CYFIP2: variants seen among roughly 807,000 people sequenced by gnomAD.
The protein encoded by CYFIP2 is cytoplasmic FMR1-interacting protein 2.
A neutral mutation model predicts 158.7 loss-of-function variants in CYFIP2; 29 were observed. The observed-to-expected ratio is 0.18, with a 90% CI of 0.14 to 0.25. The LOEUF is 0.25. Among genes scored for constraint, CYFIP2 ranks in the 10% least tolerant of loss-of-function variants. The pLI is 1.00. For synonymous variants in CYFIP2, 585 were observed against 617.6 expected (o/e 0.95, Z 0.78); for missense variants, 852 against 1,639.5 (o/e 0.52, Z 8.29).
intron 13 of CYFIP2, among the ~76,000 whole-genome samples, chr5:157,317,639 A>T (rs2113086314): frequency 6.6e-6 from 1 of 152,340 alleles, no homozygotes; most frequent in Middle Eastern, 3.4e-3. Flanking sequence ...TTATTATTAT[A>T]ACCAAGTAAC....
At chr5:157,306,027 A>G (rs1581019987) in intron 8 of CYFIP2, among the ~76,000 whole-genome samples, 2 of 152,316 alleles carry the variant, frequency 1.3e-5, no homozygotes, top group South Asian at 4.1e-4. Context: ...CTTATGCCCC[A>G]CAGCTGTAGC....
chr5:157,330,585 T>A (rs1426212177), intron 19 of CYFIP2, among the ~76,000 whole-genome samples, 157 bp from the exon 20 acceptor site: 1 of 152,178 alleles, frequency 6.6e-6, no homozygotes, highest in Non-Finnish European at 1.5e-5. Context: ...TGAAAAGAAA[T>A]TTGACGTAAC....
At chr5:157,390,774 A>T in intron 30 of CYFIP2, 106 bp downstream of exon 30, 1 of 1,510,008 alleles carries the variant, frequency 6.6e-7, no homozygotes, top group African/African-American at 1.4e-5. Context: ...CCAGCTCCCC[A>T]CACGGCAAGT....
intron 26 of CYFIP2, among the ~76,000 whole-genome samples, chr5:157,379,788 C>T (rs1765867976): frequency 6.6e-6 from 1 of 151,898 alleles, no homozygotes; most frequent in South Asian, 2.1e-4. Flanking sequence ...TGTAACCGCC[C>T]AGCAGGTTCG....
chr5:157,360,797 G>T (rs1313206483), intron 25 of CYFIP2, among the ~76,000 whole-genome samples: 1 of 152,190 alleles, frequency 6.6e-6, no homozygotes, highest in African/African-American at 2.4e-5. Context: ...CTGTTTGACC[G>T]CTGGGCAGAG....
At position 157,392,952 on chromosome 5, in the gene CYFIP2, GC is replaced by G; in HGVS notation, c.3715del (p.Arg1239AlafsTer41). 1 of 1,613,870 alleles carries G rather than the reference GC, an allele frequency of 6.2e-7. No individual in the cohort carries two copies. Among genetic ancestry groups the G allele is most frequent in the Non-Finnish European group, 8.5e-7 (1 of 1,179,854 alleles). On this transcript the variant is annotated frameshift_variant, in exon 31 of 31. Coordinates refer to ENST00000620254, the MANE Select transcript of CYFIP2 (RefSeq NM_001037333.3). LOFTEE classifies it high-confidence loss of function. ...CAGACAGTTCCACTGTGGAGCATGT[GC>G]GCTGCTTCCAGCCACCCATCCACCA... is the stretch of plus-strand genomic sequence containing the variant. ...ETDSSTVEHVRCFQPPIHQSL... is the reference protein window; with the variant it reads ...ETDSSTVEHVXCFQPPIHQSL...
chr5:157,349,788 G>T (rs937954398), intron 23 of CYFIP2, among the ~76,000 whole-genome samples: 2 of 152,104 alleles, frequency 1.3e-5, no homozygotes, highest in Admixed American at 6.5e-5. Flanking sequence ...ATTATTTTTT[G>T]ATTTTCGATT....
At chr5:157,295,712 T>C (rs893669748) in intron 4 of CYFIP2, among the ~76,000 whole-genome samples, 1 of 152,266 alleles carries the variant, frequency 6.6e-6, no homozygotes, top group Non-Finnish European at 1.5e-5. Flanking sequence ...TATGTGATTG[T>C]AGCATATTTT....
intron 5 of CYFIP2, among the ~76,000 whole-genome samples, chr5:157,297,564 G>A (rs534056094): frequency 1.4e-4 from 21 of 152,300 alleles, no homozygotes; most frequent in African/African-American, 4.3e-4. Context: ...CTGCCTTCGG[G>A]AGCCCAAAAT....
chr5:157,297,362 C>T (rs904187770), intron 5 of CYFIP2, among the ~76,000 whole-genome samples: 20 of 152,222 alleles, frequency 1.3e-4, no homozygotes, highest in African/African-American at 4.8e-4. Context: ...AGTCACATCC[C>T]TGGCCCTTTC....
At chr5:157,272,560 G>C (rs1756195437) in intron 1 of CYFIP2, among the ~76,000 whole-genome samples, 1 of 152,146 alleles carries the variant, frequency 6.6e-6, no homozygotes, top group African/African-American at 2.4e-5. Flanking sequence ...GCTGCCTCCA[G>C]ATCTCTAAAT....
chr5:157,267,556 A>G lies in CYFIP2; in HGVS notation c.-24+1361A>G, dbSNP rs909478663. Among the ~76,000 whole-genome samples, 11 of 152,244 alleles carry G rather than the reference A, an allele frequency of 7.2e-5. No individual in the cohort carries two copies. The South Asian group carries it at 2.1e-3, about 29-fold the overall frequency. On this transcript the variant is annotated intron_variant, in intron 1 of 30. Coordinates refer to ENST00000620254, the MANE Select transcript of CYFIP2 (RefSeq NM_001037333.3). ...GGTGGCCTCCCACCTCCACTTCCAT[A>G]CAGTGCCCTGCCCTTCCCCCAGTCT...
chr5:157,384,080 G>A, intron 28 of CYFIP2: 1 of 347,718 alleles, frequency 2.9e-6, no homozygotes, highest in Non-Finnish European at 5.7e-6. Context: ...AGAATAGAGT[G>A]GGAGAGAAAG....
intron 9 of CYFIP2, among the ~76,000 whole-genome samples, chr5:157,308,546 G>A (rs965051221): frequency 2.0e-5 from 3 of 152,140 alleles, no homozygotes; most frequent in Non-Finnish European, 4.4e-5. Context: ...ATTGGGCACT[G>A]CCGACATGGA....
intron 23 of CYFIP2, among the ~76,000 whole-genome samples, chr5:157,348,709 G>A (rs1432725993): frequency 3.3e-5 from 5 of 151,994 alleles, no homozygotes; most frequent in African/African-American, 7.3e-5. Context: ...ACTGCCCCCC[G>A]CCTCACCTGG....
intron 15 of CYFIP2, among the ~76,000 whole-genome samples, chr5:157,322,253 C>T (rs567505158): frequency 5.5e-4 from 83 of 152,280 alleles, no homozygotes; most frequent in Non-Finnish European, 1.2e-3. Context: ...TTGTCCAAGT[C>T]ACAAGGTGAG....
intron 26 of CYFIP2, among the ~76,000 whole-genome samples, chr5:157,369,193 C>T (rs1016767735): frequency 1.3e-5 from 2 of 152,114 alleles, no homozygotes; most frequent in African/African-American, 2.4e-5. Context: ...CCACCGCGCC[C>T]GGCCATTCCC....
Position 157,388,275 on chromosome 5 carries a change from G to T in CYFIP2, c.3208-914G>T, listed in dbSNP as rs150126124. Among the ~76,000 whole-genome samples the T allele has an allele frequency of 4.6e-5, 7 of 152,292 alleles. No individual in the cohort carries two copies. In the East Asian group the frequency reaches 1.3e-3, roughly 29 times the overall value. On this transcript the variant is annotated intron_variant, in intron 28 of 30. Coordinates refer to ENST00000620254, the MANE Select transcript of CYFIP2 (RefSeq NM_001037333.3). Reference sequence around the variant, plus strand: ...GTGTAGTAATGTGTTTTGACATCTAGTCTGTCTAGCCAGCTGCTTATTAGA... The same window carrying T: ...GTGTAGTAATGTGTTTTGACATCTATTCTGTCTAGCCAGCTGCTTATTAGA...
Position 157,311,731 on chromosome 5 carries a change from G to T in CYFIP2, c.1060G>T (p.Asp354Tyr). 6.2e-7 allele frequency: 1 copy of T among 1,609,204 alleles called. No homozygotes were observed. The highest frequency in any genetic ancestry group is 2.2e-5 in the East Asian group (1 of 44,728). Residue 354 changes from aspartate to tyrosine, a missense_variant, in exon 11 of 31, where the codon GAT (aspartate) becomes TAT (tyrosine). By Grantham distance (160) the Asp-to-Tyr change is radical. This residue lies in a region of CYFIP2 where 133 missense variants were observed against 197.1 expected (regional missense o/e 0.67). Transcript: ENST00000620254. This position sits in a 1 kb window ranked among gnomAD's most constrained non-coding sequence, Gnocchi z 4.7. ...NICEQMVQIR[D>Y]DHIRFISELA... is the part of the protein sequence containing the mutation. Reference sequence around the variant, plus strand: ...CTGCGAGCAGATGGTTCAGATCCGGGATGACCACATCCGCTTCATCTCCGA... The same window carrying T: ...CTGCGAGCAGATGGTTCAGATCCGGTATGACCACATCCGCTTCATCTCCGA...
Sources: allele counts gnomAD v4.1 joint callset (sites outside exome capture counted in the v4.1 genomes callset), GRCh38; gene constraint gnomAD v4.1.1; regional missense constraint gnomAD v4.1.1; non-coding constraint Gnocchi (gnomAD v3.1); transcripts MANE v1.5; gene names NCBI Gene and HGNC (gene_info 2026-07-23, HGNC 2026-07-21).